Variants in TMC2 observed in about 807,000 individuals in gnomAD.
The protein encoded by TMC2 is transmembrane channel like 2.
Under a neutral mutation model 105.9 loss-of-function variants are expected in TMC2, and 102 were observed. That is an observed-to-expected ratio of 0.96 (90% CI 0.82 to 1.14). The LOEUF (loss-of-function observed/expected upper bound fraction) is 1.14, where lower values mean the gene tolerates loss of function less well. Ranked by LOEUF, TMC2 falls within the 50% of genes most tolerant of loss-of-function variation. The probability of loss-of-function intolerance (pLI) is 0.00; values close to 1 mark genes in which losing one functional copy is unlikely to be tolerated. For synonymous variants in TMC2, 402 were observed against 422.8 expected (o/e 0.95, Z 0.60); for missense variants, 1,093 against 1,134.3 (o/e 0.96, Z 0.52).
chr20:2,556,364 C>A (rs1034361819), intron 2 of TMC2, among the ~76,000 whole-genome samples: 1 of 152,214 alleles, frequency 6.6e-6, no homozygotes, highest in African/African-American at 2.4e-5. Context: ...CAGGCGTGAG[C>A]CACCAGGTTT....
rs2086460584 is a variant in TMC2 at position 2,613,689 on chromosome 20, AG to A, written c.1872+369del. ...ATCTGACAGTGGAGGCGAATATTTC[AG>A]GAAGTCCTGGAACACACCAAGAACA... is the stretch of plus-strand genomic sequence containing the variant. On this transcript the variant is annotated intron_variant, in intron 14 of 19. Transcript: ENST00000358864. The A allele has an allele frequency of 1.2e-5, 4 of 336,852 alleles. No individual in the cohort carries two copies. The Admixed American group carries it at 1.7e-4, about 14-fold the overall frequency. The allele number at this position is 336,852 out of a possible 1,614,324, so 20.9% of individuals were successfully genotyped here.
chr20:2,610,834 A>T (rs1025847352), intron 12 of TMC2, among the ~76,000 whole-genome samples: 2 of 151,946 alleles, frequency 1.3e-5, no homozygotes, highest in Admixed American at 1.3e-4. Context: ...CATCATATAC[A>T]TGTCATTTGA....
At chr20:2,581,423 C>A (rs1432404651) in intron 7 of TMC2, among the ~76,000 whole-genome samples, 1 of 152,196 alleles carries the variant, frequency 6.6e-6, no homozygotes, top group Non-Finnish European at 1.5e-5. Flanking sequence ...TATTCTTATG[C>A]CAATATCACT....
intron 2 of TMC2, among the ~76,000 whole-genome samples, chr20:2,544,173 C>T (rs906722272): frequency 2.6e-5 from 4 of 151,266 alleles, no homozygotes; most frequent in African/African-American, 9.7e-5. Flanking sequence ...GCCTTGGCTT[C>T]CCAAAGTGCT....
chr20:2,539,497 G>A (rs2085874289), intron 2 of TMC2, among the ~76,000 whole-genome samples: 1 of 152,208 alleles, frequency 6.6e-6, no homozygotes, highest in South Asian at 2.1e-4. Flanking sequence ...AGGACACAGA[G>A]AGAGCTCAGA....
rs1202412073 is a variant in TMC2 at position 2,558,643 on chromosome 20, G to A, written c.270G>A (p.Glu90=). 2 of 1,575,768 alleles carry A rather than the reference G, an allele frequency of 1.3e-6. No homozygotes were observed. The highest frequency in any genetic ancestry group is 2.3e-5 in the East Asian group (1 of 43,192). Residue 90 remains glutamate, a synonymous_variant, in exon 3 of 20, where the codon GAG becomes GAA. Coordinates refer to ENST00000358864, the MANE Select transcript of TMC2 (RefSeq NM_080751.3). The surrounding 1 kb of genome is among the most constrained non-coding windows in gnomAD (Gnocchi z 4.6). The part of the protein sequence containing the change: ...REELGEQERG[E]AERTCEGRRK... The stretch of plus-strand genomic sequence containing the variant: ...AGCTGGGGGAGCAGGAGCGGGGCGA[G>A]GCAGAGAGGACCTGCGAGGGCAGGA...
intron 5 of TMC2, among the ~76,000 whole-genome samples, chr20:2,572,887 G>C (rs546852630): frequency 5.3e-5 from 8 of 151,880 alleles, no homozygotes; most frequent in Non-Finnish European, 1.2e-4. Context: ...TCAAATGCCT[G>C]GTAGTTCTAG....
At chr20:2,591,871 G>A (rs1234474947) in intron 7 of TMC2, among the ~76,000 whole-genome samples, 3 of 152,084 alleles carry the variant, frequency 2.0e-5, no homozygotes, top group African/African-American at 2.4e-5. Context: ...GAAGAAAATA[G>A]AGCCGGGCTC....
intron 4 of TMC2, among the ~76,000 whole-genome samples, chr20:2,563,144 C>T (rs1055902366): frequency 3.3e-5 from 5 of 152,160 alleles, no homozygotes; most frequent in African/African-American, 1.2e-4. Flanking sequence ...CATACATGAG[C>T]TTCCTCATTG....
chr20:2,630,990 T>C lies in TMC2; in HGVS notation c.2307-4936T>C, dbSNP rs919694738. 2.0e-5 allele frequency among the ~76,000 whole-genome samples: 3 copies of C among 152,356 alleles called. No homozygotes were observed. The Middle Eastern group carries it at 0.01, about 518-fold the overall frequency. On this transcript the variant is annotated intron_variant, in intron 17 of 19. Coordinates refer to ENST00000358864, the MANE Select transcript of TMC2 (RefSeq NM_080751.3). ...TTATGTCTGCTGTTTTCTATATGTC[T>C]TATGTATTTTTGTTATTTTATTCCT...
chr20:2,572,634 A>G (rs945615467), intron 5 of TMC2, among the ~76,000 whole-genome samples: 9 of 152,260 alleles, frequency 5.9e-5, no homozygotes, highest in Non-Finnish European at 7.4e-5. Flanking sequence ...CGTGGATGAT[A>G]AACAGCGATG....
chr20:2,562,838 C>A (rs1041046156), intron 4 of TMC2, among the ~76,000 whole-genome samples: 2 of 151,660 alleles, frequency 1.3e-5, no homozygotes, highest in African/African-American at 2.4e-5. Flanking sequence ...CCCAGTTACT[C>A]GGGAGGCTGA....
intron 4 of TMC2, among the ~76,000 whole-genome samples, chr20:2,566,476 C>T (rs1443843532): frequency 6.6e-6 from 1 of 152,158 alleles, no homozygotes; most frequent in Non-Finnish European, 1.5e-5. Flanking sequence ...GCCCATGAAT[C>T]AGGGATATTT....
chr20:2,631,032 T>C (rs746215290), intron 17 of TMC2, among the ~76,000 whole-genome samples: 3 of 152,350 alleles, frequency 2.0e-5, no homozygotes, highest in Non-Finnish European at 4.4e-5. Flanking sequence ...CTGCTTTCTT[T>C]TGGGTTAAAT....
chr20:2,576,986 G>A (rs1194128940), intron 5 of TMC2, among the ~76,000 whole-genome samples: 2 of 145,954 alleles, frequency 1.4e-5, no homozygotes, highest in African/African-American at 5.2e-5. Context: ...TTGGCTCACT[G>A]CAACCTCCGC....
At chr20:2,554,683 C>T (rs1399503145) in intron 2 of TMC2, among the ~76,000 whole-genome samples, 2 of 152,130 alleles carry the variant, frequency 1.3e-5, no homozygotes, top group Non-Finnish European at 2.9e-5. Context: ...CTTGAGGCTT[C>T]TTTAACCTAT....
chr20:2,584,170 C>T (rs952962328), intron 7 of TMC2, among the ~76,000 whole-genome samples: 55 of 152,176 alleles, frequency 3.6e-4, no homozygotes, highest in African/African-American at 1.1e-3. Context: ...TGAGGCCGGG[C>T]GCGGTGGCTC....
chr20:2,562,029 A>T lies in TMC2; in HGVS notation c.554+19A>T. ...AGCTCAGGTGAGCAGGCTGCGGGTC[A>T]GCCAGGGCCTTCCGATGTCCACAGC... On this transcript the variant is annotated intron_variant, in intron 4 of 19. Coordinates refer to ENST00000358864, the MANE Select transcript of TMC2 (RefSeq NM_080751.3). The T allele has an allele frequency of 6.2e-7, 1 of 1,608,840 alleles. No homozygotes were observed. The highest frequency in any genetic ancestry group is 8.5e-7 in the Non-Finnish European group (1 of 1,177,528).
chr20:2,637,861 C>T (rs1410716931), intron 19 of TMC2, among the ~76,000 whole-genome samples: 1 of 152,140 alleles, frequency 6.6e-6, no homozygotes, highest in Non-Finnish European at 1.5e-5. Flanking sequence ...GCAGTAGTGC[C>T]GTCATGCACC....
Sources: allele counts gnomAD v4.1 joint callset (sites outside exome capture counted in the v4.1 genomes callset), GRCh38; gene constraint gnomAD v4.1.1; non-coding constraint Gnocchi (gnomAD v3.1); transcripts MANE v1.5; gene names NCBI Gene and HGNC (gene_info 2026-07-23, HGNC 2026-07-21).